SPPL3: variants seen among roughly 807,000 people sequenced by gnomAD.
The protein encoded by SPPL3 is signal peptide peptidase-like 3.
Under a neutral mutation model 42.4 loss-of-function variants are expected in SPPL3, and 5 were observed. That is an observed-to-expected ratio of 0.12 (90% CI 0.06 to 0.25). SPPL3 has a LOEUF of 0.25. Ranked by LOEUF, SPPL3 falls within the 10% of genes least tolerant of loss-of-function variation. SPPL3 has a pLI of 1.00. For synonymous variants in SPPL3, 195 were observed against 181.8 expected (o/e 1.07, Z -0.58); for missense variants, 235 against 489.0 (o/e 0.48, Z 4.90).
In SPPL3 at chr12:120,764,314, G is replaced by A. The variant is rs1566034996; in HGVS notation, c.*685C>T. The A allele has an allele frequency of 1.4e-5, 2 of 145,564 alleles. No homozygotes were observed. Among genetic ancestry groups the A allele is most frequent in the African/African-American group, 5.5e-5 (2 of 36,232 alleles). 9.0% of individuals were successfully genotyped at this position (145,564 alleles called of 1,614,324 possible). A position where few individuals can be genotyped will look rare whatever the true frequency, so the allele number is the denominator to read the frequency against. Reference sequence around the variant, plus strand: ...TGTTTATTCATATATATCTATGTGTGTGTTTATATATATATATGTACGTAT... The same window carrying A: ...TGTTTATTCATATATATCTATGTGTATGTTTATATATATATATGTACGTAT... On this transcript the variant is annotated 3_prime_UTR_variant, in exon 11 of 11. Coordinates refer to ENST00000353487, the MANE Select transcript of SPPL3 (RefSeq NM_139015.5).
In SPPL3 at chr12:120,771,509, C is replaced by A. The variant is rs569235869; in HGVS notation, c.503-2450G>T. The stretch of plus-strand genomic sequence containing the variant: ...ATTACATTTAAGATCATACTTCCTG[C>A]CCTTGTCTTATTTTTCATTTCTCAA... On this transcript the variant is annotated intron_variant, in intron 6 of 10. Transcript: ENST00000353487. Among the ~76,000 whole-genome samples, 10 of 152,072 alleles carry A rather than the reference C, an allele frequency of 6.6e-5. No individual in the cohort carries two copies. In the East Asian group the frequency reaches 1.9e-3, roughly 29 times the overall value.
intron 1 of SPPL3, among the ~76,000 whole-genome samples, chr12:120,860,952 C>T (rs1872601170): frequency 6.6e-6 from 1 of 152,156 alleles, no homozygotes; most frequent in South Asian, 2.1e-4. Context: ...ATACAACCTA[C>T]ACACATCCAC....
intron 1 of SPPL3, among the ~76,000 whole-genome samples, chr12:120,854,508 G>T (rs546845576): frequency 5.3e-5 from 8 of 152,010 alleles, no homozygotes; most frequent in African/African-American, 1.9e-4. Context: ...CCTTCCTTTT[G>T]CAACAGCTAC....
chr12:120,792,530 T>C (rs973859336), intron 2 of SPPL3, among the ~76,000 whole-genome samples: 1 of 151,692 alleles, frequency 6.6e-6, no homozygotes, highest in Non-Finnish European at 1.5e-5. Context: ...TGAAACCCCG[T>C]TTCTACTAAA....
intron 6 of SPPL3, among the ~76,000 whole-genome samples, chr12:120,780,419 G>C (rs1869486237): frequency 6.6e-6 from 1 of 151,738 alleles, no homozygotes; most frequent in African/African-American, 2.4e-5. Context: ...CTGCACTCCA[G>C]CCTGAGCAAC....
At chr12:120,768,620 G>C (rs1868993480) in intron 7 of SPPL3, 132 bp from the exon 8 acceptor site, 1 of 1,095,716 alleles carries the variant, frequency 9.1e-7, no homozygotes, top group Non-Finnish European at 1.3e-6. Context: ...TGTATGATTT[G>C]AGAAAATCTT....
chr12:120,777,502 G>A (rs994721716), intron 6 of SPPL3, among the ~76,000 whole-genome samples: 3 of 151,934 alleles, frequency 2.0e-5, no homozygotes, highest in East Asian at 1.9e-4. Context: ...GCTACTCTCC[G>A]GAAAAGTCTA....
intron 1 of SPPL3, among the ~76,000 whole-genome samples, chr12:120,890,497 G>A (rs1417005975): frequency 1.3e-5 from 2 of 150,118 alleles, no homozygotes; most frequent in East Asian, 3.9e-4. Flanking sequence ...GCTGAGGCAG[G>A]AGAATCGCTT....
chr12:120,852,700 T>TTCATATATTATATATG (rs1872274778), intron 1 of SPPL3, among the ~76,000 whole-genome samples: 1 of 19,408 alleles, frequency 5.2e-5, no homozygotes, highest in Non-Finnish European at 1.7e-4. Flanking sequence ...TATACATATT[T>TTCATATATTATATATG]TACATATATG....
At chr12:120,799,429 C>T (rs1006076763) in intron 2 of SPPL3, among the ~76,000 whole-genome samples, 2 of 152,096 alleles carry the variant, frequency 1.3e-5, no homozygotes, top group African/African-American at 4.8e-5. Flanking sequence ...TAAGTCAAAC[C>T]GTTGGTAAGC....
At chr12:120,834,464 T>G (rs550309420) in intron 1 of SPPL3, among the ~76,000 whole-genome samples, 442 of 152,122 alleles carry the variant, frequency 2.9e-3, no homozygotes, top group African/African-American at 9.9e-3. Flanking sequence ...AGAAGAGAGA[T>G]AGGCCATGAA....
At chr12:120,899,149 T>TA (rs1285069968) in intron 1 of SPPL3, among the ~76,000 whole-genome samples, 2 of 152,248 alleles carry the variant, frequency 1.3e-5, no homozygotes, top group Non-Finnish European at 1.5e-5. Flanking sequence ...GAAAAAAGGC[T>TA]ATAAGGAGAA....
In SPPL3 at chr12:120,857,226, C is replaced by A. The variant is rs146034189; in HGVS notation, c.24-46340G>T. On this transcript the variant is annotated intron_variant, in intron 1 of 10. Transcript: ENST00000353487. ...CTAAAGTCTTCCTGCCCACTTCTCT[C>A]TCTCAGTTTATGAAAATTAATTTCC... Among the ~76,000 whole-genome samples, 8 of 152,340 alleles carry A rather than the reference C, an allele frequency of 5.3e-5. No individual in the cohort carries two copies. In the East Asian group the frequency reaches 1.4e-3, roughly 26 times the overall value.
At chr12:120,846,005 C>T (rs1252141020) in intron 1 of SPPL3, among the ~76,000 whole-genome samples, 1 of 152,100 alleles carries the variant, frequency 6.6e-6, no homozygotes, top group Non-Finnish European at 1.5e-5. Flanking sequence ...TCAAGCGATT[C>T]TTATACCTTA....
At chr12:120,824,375 A>G (rs1051856652) in intron 1 of SPPL3, among the ~76,000 whole-genome samples, 1 of 152,162 alleles carries the variant, frequency 6.6e-6, no homozygotes, top group Non-Finnish European at 1.5e-5. Context: ...AAAAAGTGTT[A>G]GTGATGTCTG....
intron 1 of SPPL3, among the ~76,000 whole-genome samples, chr12:120,829,403 C>T (rs1409915883): frequency 2.0e-5 from 3 of 151,978 alleles, no homozygotes; most frequent in Non-Finnish European, 4.4e-5. Context: ...TGAGACCAGC[C>T]TGGCAGACGT....
chr12:120,782,228 G>T (rs12824150), intron 6 of SPPL3, among the ~76,000 whole-genome samples: 1 of 151,982 alleles, frequency 6.6e-6, no homozygotes, highest in African/African-American at 2.4e-5. Context: ...ATTCAAAGAA[G>T]CATCATTCAT....
At chr12:120,840,497 T>C (rs1238881628) in intron 1 of SPPL3, among the ~76,000 whole-genome samples, 1 of 152,062 alleles carries the variant, frequency 6.6e-6, no homozygotes, top group African/African-American at 2.4e-5. Context: ...AATGTTCATG[T>C]GTATGGGTTT....
At chr12:120,845,866 CTAT>C (rs2137029952) in intron 1 of SPPL3, among the ~76,000 whole-genome samples, 1 of 108,526 alleles carries the variant, frequency 9.2e-6, no homozygotes, top group East Asian at 2.2e-4. Flanking sequence ...CATTATCTAT[CTAT>C]CTATCTATCT....
Sources: allele counts gnomAD v4.1 joint callset (sites outside exome capture counted in the v4.1 genomes callset), GRCh38; gene constraint gnomAD v4.1.1; transcripts MANE v1.5; gene names NCBI Gene and HGNC (gene_info 2026-07-23, HGNC 2026-07-21).